The following ATP8A2 variants were observed in gnomAD, a reference collection of about 807,000 sequenced individuals.
ATP8A2 encodes phospholipid-transporting ATPase IB.
Under a neutral mutation model 165.6 loss-of-function variants are expected in ATP8A2, and 100 were observed. That is an observed-to-expected ratio of 0.60 (90% CI 0.51 to 0.71). The LOEUF is 0.71. Among genes scored for constraint, ATP8A2 ranks in the 30% least tolerant of loss-of-function variants. The probability of loss-of-function intolerance (pLI) is 0.00; values close to 1 mark genes in which losing one functional copy is unlikely to be tolerated. For synonymous variants in ATP8A2, 543 were observed against 548.8 expected (o/e 0.99, Z 0.15); for missense variants, 1,227 against 1,479.5 (o/e 0.83, Z 2.80).
At chr13:25,423,872 G>A (rs1276584226) in intron 1 of ATP8A2, among the ~76,000 whole-genome samples, 1 of 152,198 alleles carries the variant, frequency 6.6e-6, no homozygotes, top group African/African-American at 2.4e-5. Context: ...CTACAAGCCA[G>A]TGAACAGCAA....
chr13:25,911,281 A>C (rs1954097834), intron 33 of ATP8A2, among the ~76,000 whole-genome samples: 1 of 152,206 alleles, frequency 6.6e-6, no homozygotes, highest in Admixed American at 6.5e-5. Flanking sequence ...TACCTCTTTT[A>C]ATTCCTGGGA....
At chr13:26,013,718 C>T (rs1254290893) in intron 36 of ATP8A2, among the ~76,000 whole-genome samples, 2 of 151,728 alleles carry the variant, frequency 1.3e-5, no homozygotes, top group African/African-American at 2.4e-5. Context: ...GATTTATGAA[C>T]GTGAAGAATC....
At chr13:25,922,182 A>G (rs914536159) in intron 33 of ATP8A2, among the ~76,000 whole-genome samples, 17 of 152,192 alleles carry the variant, frequency 1.1e-4, no homozygotes, top group Non-Finnish European at 2.4e-4. Flanking sequence ...CCATCATCCT[A>G]ATCAGTAACA....
rs1270687794 is a variant in ATP8A2 at position 25,616,556 on chromosome 13, T to C, written c.2211+26857T>C. Among the ~76,000 whole-genome samples the C allele has an allele frequency of 2.0e-5, 3 of 152,110 alleles. No individual in the cohort carries two copies. In the South Asian group the frequency reaches 6.2e-4, roughly 32 times the overall value. On this transcript the variant is annotated intron_variant, in intron 24 of 36. Transcript: ENST00000381655. ...CATGTTGGCCAGGCTAGTCTCGAAC[T>C]CCTGACCTCAGGCAATCCACCCGCC...
chr13:25,849,094 G>A (rs1951946438), intron 30 of ATP8A2, among the ~76,000 whole-genome samples: 1 of 152,166 alleles, frequency 6.6e-6, no homozygotes, highest in Non-Finnish European at 1.5e-5. Context: ...GAAGGGAAAG[G>A]AGGAGAGAGG....
At chr13:25,824,343 GTC>G (rs1012824756) in intron 27 of ATP8A2, among the ~76,000 whole-genome samples, 1 of 152,048 alleles carries the variant, frequency 6.6e-6, no homozygotes, top group African/African-American at 2.4e-5. Flanking sequence ...CTTCCTATTT[GTC>G]TCTTTCTTTG....
At chr13:25,672,586 C>T (rs1358754863) in intron 24 of ATP8A2, among the ~76,000 whole-genome samples, 2 of 152,160 alleles carry the variant, frequency 1.3e-5, no homozygotes, top group African/African-American at 4.8e-5. Context: ...TAATATTTCT[C>T]AAGTGCAATC....
At chr13:25,529,271 C>A (rs774402259) in intron 2 of ATP8A2, among the ~76,000 whole-genome samples, 33 of 152,072 alleles carry the variant, frequency 2.2e-4, no homozygotes, top group Non-Finnish European at 4.6e-4. Flanking sequence ...GTTAATTTTG[C>A]CTTTGGGTTA....
intron 2 of ATP8A2, among the ~76,000 whole-genome samples, chr13:25,502,058 C>T (rs538530398): frequency 2.0e-5 from 3 of 152,198 alleles, no homozygotes; most frequent in Non-Finnish European, 4.4e-5. Flanking sequence ...GATCCCATAC[C>T]GTGGCTTCAC....
chr13:25,722,324 G>A (rs183421931), intron 25 of ATP8A2, among the ~76,000 whole-genome samples: 58 of 152,206 alleles, frequency 3.8e-4, no homozygotes, highest in Admixed American at 3.8e-3. Context: ...TCAATAGATT[G>A]CTACCTAAGA....
At chr13:25,865,777 G>C (rs560391613) in intron 33 of ATP8A2, among the ~76,000 whole-genome samples, 6 of 152,152 alleles carry the variant, frequency 3.9e-5, no homozygotes. Flanking sequence ...CTGAAAATAC[G>C]CCACATTTGT....
At chr13:25,827,905 G>T (rs537999005) in intron 27 of ATP8A2, among the ~76,000 whole-genome samples, 1 of 152,200 alleles carries the variant, frequency 6.6e-6, no homozygotes. Context: ...GAAAGTAGAT[G>T]TATGCCTTAA....
At chr13:25,876,602 A>T (rs1952825428) in intron 33 of ATP8A2, among the ~76,000 whole-genome samples, 1 of 152,336 alleles carries the variant, frequency 6.6e-6, no homozygotes, top group South Asian at 2.1e-4. Flanking sequence ...ACTGACCATG[A>T]AAAAAGATCC....
At chr13:25,513,032 G>A (rs563475705) in intron 2 of ATP8A2, among the ~76,000 whole-genome samples, 3,152 of 146,958 alleles carry the variant, frequency 0.021, 100 homozygotes, top group African/African-American at 0.074. Flanking sequence ...CCTCCCTCCC[G>A]GACGGGGCGG....
intron 1 of ATP8A2, among the ~76,000 whole-genome samples, chr13:25,399,978 G>GATAC (rs2033581452): frequency 6.8e-6 from 1 of 147,884 alleles, no homozygotes; most frequent in African/African-American, 2.5e-5. Flanking sequence ...TTCCTTTTTT[G>GATAC]AGGAAGCCAT....
chr13:25,793,048 G>A (rs546855396), intron 27 of ATP8A2, among the ~76,000 whole-genome samples: 1 of 151,878 alleles, frequency 6.6e-6, no homozygotes, highest in African/African-American at 2.4e-5. Flanking sequence ...GAAGAGAAGA[G>A]AAGAGAAGAG....
At chr13:25,648,916 G>T in intron 24 of ATP8A2, 1 of 418,050 alleles carries the variant, frequency 2.4e-6, no homozygotes, top group Non-Finnish European at 4.8e-6. Flanking sequence ...GAATATGGCG[G>T]GCTGACTATT....
At chr13:25,701,204 T>A (rs902534456) in intron 25 of ATP8A2, among the ~76,000 whole-genome samples, 1 of 152,226 alleles carries the variant, frequency 6.6e-6, no homozygotes, top group African/African-American at 2.4e-5. Context: ...TTTATCTATC[T>A]TTTTCTTTTG....
At chr13:25,791,951 A>G (rs1342249839) in intron 27 of ATP8A2, among the ~76,000 whole-genome samples, 1 of 152,148 alleles carries the variant, frequency 6.6e-6, no homozygotes, top group East Asian at 1.9e-4. Context: ...AAGCTAACCT[A>G]GCCACCTTCT....
Sources: gnomAD v4.1 joint callset for allele counts (sites outside exome capture counted in the v4.1 genomes callset) on GRCh38, gnomAD v4.1.1 for gene constraint, MANE v1.5 for transcripts, NCBI Gene and HGNC (gene_info 2026-07-23, HGNC 2026-07-21) for gene names.